Variants in CCDC91 observed in about 807,000 individuals in gnomAD.
The protein encoded by CCDC91 is coiled-coil domain containing 91.
In CCDC91, 48 loss-of-function variants were observed where a neutral mutation model predicts 63.2. The ratio of observed to expected loss-of-function variants is 0.76; its 90% CI spans 0.60 to 0.97. CCDC91 has a LOEUF of 0.97. Ranked by LOEUF, CCDC91 falls within the 50% of genes least tolerant of loss-of-function variation. The pLI, the probability that CCDC91 is intolerant of heterozygous loss-of-function variation, is 0.00. For synonymous variants in CCDC91, 167 were observed against 165.8 expected, an observed-to-expected ratio of 1.01 and a Z score of -0.06; for missense variants, 500 against 494.6, an observed-to-expected ratio of 1.01 and a Z score of -0.10.
intron 7 of CCDC91, among the ~76,000 whole-genome samples, chr12:28,363,508 T>G (rs1486635673): frequency 6.6e-6 from 1 of 152,112 alleles, no homozygotes; most frequent in Admixed American, 6.5e-5. Flanking sequence ...ATAGAAATTT[T>G]TGTGTTGTTG....
At chr12:28,238,590 C>T (rs1485834383) in intron 1 of CCDC91, among the ~76,000 whole-genome samples, 3 of 152,144 alleles carry the variant, frequency 2.0e-5, no homozygotes, top group Non-Finnish European at 4.4e-5. Context: ...CTCATAGAAA[C>T]ACACTTCCAT....
intron 3 of CCDC91, among the ~76,000 whole-genome samples, chr12:28,301,764 A>C (rs1322336890): frequency 6.6e-5 from 10 of 151,678 alleles, no homozygotes; most frequent in Admixed American, 6.6e-4. Context: ...AAAAATATTT[A>C]ATCAGATCAA....
intron 3 of CCDC91, among the ~76,000 whole-genome samples, chr12:28,297,461 A>G (rs1421927342): frequency 6.6e-6 from 1 of 151,858 alleles, no homozygotes; most frequent in African/African-American, 2.4e-5. Flanking sequence ...ACTGCCATTC[A>G]TTGCACTTTT....
At chr12:28,246,399 A>G (rs1433417874) in intron 1 of CCDC91, among the ~76,000 whole-genome samples, 1 of 152,170 alleles carries the variant, frequency 6.6e-6, no homozygotes, top group South Asian at 2.1e-4. Flanking sequence ...TTTGTTGTAT[A>G]GAGCACATTC....
chr12:28,223,996 G>A (rs369188511), intron 1 of CCDC91, among the ~76,000 whole-genome samples: 8 of 152,212 alleles, frequency 5.3e-5, no homozygotes, highest in Non-Finnish European at 7.4e-5. Flanking sequence ...AGCCTAAAGC[G>A]GAGTCTTTTA....
intron 12 of CCDC91, among the ~76,000 whole-genome samples, chr12:28,501,790 C>T (rs1385948489): frequency 5.9e-5 from 9 of 151,674 alleles, no homozygotes; most frequent in Admixed American, 3.3e-4. Flanking sequence ...GGTACCAGTT[C>T]CTCCTTGTAC....
chr12:28,493,339 A>T (rs535938555), intron 12 of CCDC91, among the ~76,000 whole-genome samples: 1 of 151,868 alleles, frequency 6.6e-6, no homozygotes, highest in Middle Eastern at 3.4e-3. Context: ...TTCATATAAT[A>T]TTCTAGGAAT....
At chr12:28,507,503 T>C (rs1379863902) in intron 12 of CCDC91, among the ~76,000 whole-genome samples, 1 of 151,980 alleles carries the variant, frequency 6.6e-6, no homozygotes, top group Non-Finnish European at 1.5e-5. Flanking sequence ...AAGTATTCTG[T>C]TATAAAGATA....
In CCDC91 at chr12:28,200,897, C is replaced by T. The variant is rs1365535604; in HGVS notation, c.-15+10256C>T. Among the ~76,000 whole-genome samples, 734 of 150,586 alleles carry T rather than the reference C, an allele frequency of 4.9e-3. 12 individuals are homozygous for T. The highest frequency in any genetic ancestry group is 0.016 in the African/African-American group (667 of 40,918). ...CTCCCAGACAGGGCGGCTGGCCGGG[C>T]GGGGGGCTGACCCCGCCACCTCCCT... On this transcript the variant is annotated intron_variant, in intron 1 of 12. Coordinates refer to ENST00000536442, the MANE Select transcript of CCDC91 (RefSeq NM_018318.5).
intron 3 of CCDC91, among the ~76,000 whole-genome samples, chr12:28,262,089 T>C (rs1464957069): frequency 2.0e-5 from 3 of 151,938 alleles, no homozygotes; most frequent in Non-Finnish European, 4.4e-5. Flanking sequence ...TTTAGGTGAG[T>C]GTGATGTGAA....
intron 10 of CCDC91, 120 bp from the exon 11 acceptor site, chr12:28,452,358 A>C: frequency 1.8e-6 from 1 of 553,560 alleles, no homozygotes; most frequent in Non-Finnish European, 3.2e-6. Context: ...TAAAAACAGC[A>C]ATGTTAGAAC....
intron 8 of CCDC91, among the ~76,000 whole-genome samples, chr12:28,445,320 C>G (rs573805710): frequency 3.3e-5 from 5 of 152,208 alleles, no homozygotes; most frequent in Admixed American, 6.5e-5. Flanking sequence ...CCCCCTCCCC[C>G]ACAAAAAACC....
intron 7 of CCDC91, among the ~76,000 whole-genome samples, chr12:28,384,263 A>T (rs1269490751): frequency 6.6e-6 from 1 of 152,156 alleles, no homozygotes; most frequent in African/African-American, 2.4e-5. Context: ...TAAATATATA[A>T]TTATTACTGA....
chr12:28,382,428 A>G (rs1205092859), intron 7 of CCDC91, among the ~76,000 whole-genome samples: 3 of 152,096 alleles, frequency 2.0e-5, no homozygotes, highest in Non-Finnish European at 2.9e-5. Context: ...CTCTCAAACA[A>G]CAAACTGTTA....
At chr12:28,507,947 G>T (rs1207184357) in intron 12 of CCDC91, among the ~76,000 whole-genome samples, 4 of 151,872 alleles carry the variant, frequency 2.6e-5, no homozygotes, top group Non-Finnish European at 4.4e-5. Flanking sequence ...ATCACCTTGG[G>T]GAAAGGGGAC....
At chr12:28,466,066 CAAAG>C (rs1302086927) in intron 11 of CCDC91, among the ~76,000 whole-genome samples, 5 of 140,746 alleles carry the variant, frequency 3.6e-5, no homozygotes, top group Non-Finnish European at 8.3e-5. Flanking sequence ...GCAGAACTGA[CAAAG>C]AAAAAAAGAA....
At chr12:28,323,708 A>G (rs1476399772) in intron 6 of CCDC91, among the ~76,000 whole-genome samples, 1 of 151,856 alleles carries the variant, frequency 6.6e-6, no homozygotes, top group Non-Finnish European at 1.5e-5. Context: ...ATTATTCTCT[A>G]TTTTTAGGGG....
intron 8 of CCDC91, among the ~76,000 whole-genome samples, chr12:28,410,925 A>G (rs562998069): frequency 4.6e-5 from 7 of 151,958 alleles, no homozygotes; most frequent in Non-Finnish European, 1.0e-4. Flanking sequence ...CCTTGTGTTC[A>G]TTATTCCCTC....
rs566557693 is a variant in CCDC91, at chr12:28,354,838, T to TTG, written c.577-7596_577-7595dup. On this transcript the variant is annotated intron_variant, in intron 6 of 12. Transcript: ENST00000536442. ...ATTGATCGGGACGTTTGTAGATTTATTGTGTATATATAGGTTACAGGCCTT... is the reference window on the plus strand; with the variant it reads ...ATTGATCGGGACGTTTGTAGATTTATTGTGTGTATATATAGGTTACAGGCCTT... 7.5e-4 allele frequency among the ~76,000 whole-genome samples: 114 copies of TTG among 152,276 alleles called. 1 individual carries two copies. Among genetic ancestry groups the TTG allele is most frequent in the African/African-American group, 2.6e-3 (110 of 41,574 alleles).
Sources: gnomAD v4.1 joint callset for allele counts (sites outside exome capture counted in the v4.1 genomes callset) on GRCh38, gnomAD v4.1.1 for gene constraint, MANE v1.5 for transcripts, NCBI Gene and HGNC (gene_info 2026-07-23, HGNC 2026-07-21) for gene names.